SLC35F3: variants seen among roughly 807,000 people sequenced by gnomAD.
The protein encoded by SLC35F3 is solute carrier family 35 member F3.
Under a neutral mutation model 49.9 loss-of-function variants are expected in SLC35F3, and 25 were observed. That is an observed-to-expected ratio of 0.50 (90% CI 0.37 to 0.70). The LOEUF (loss-of-function observed/expected upper bound fraction) is 0.70. Ranked by LOEUF, SLC35F3 falls within the 30% of genes least tolerant of loss-of-function variation. The pLI, the probability that SLC35F3 is intolerant of heterozygous loss-of-function variation, is 0.00. For synonymous variants in SLC35F3, 275 were observed against 265.4 expected (o/e 1.04, Z -0.35); for missense variants, 525 against 639.8 (o/e 0.82, Z 1.94).
chr1:234,270,124 C>T (rs1316148493), intron 3 of SLC35F3, among the ~76,000 whole-genome samples: 1 of 152,204 alleles, frequency 6.6e-6, no homozygotes, highest in Non-Finnish European at 1.5e-5. Flanking sequence ...AACTGAGTTA[C>T]AAGGATTAAA....
rs1388622748 is a variant in SLC35F3, at chr1:234,031,507, T to G, written c.283+125749T>G. On this transcript the variant is annotated intron_variant, in intron 2 of 7. Transcript: ENST00000366618. ...CTCCAGCATTAACATTCCTGCTCTA[T>G]CCAAGATAATCCATTTGCCATGTTC... is the stretch of plus-strand genomic sequence containing the variant. Among the ~76,000 whole-genome samples the G allele has an allele frequency of 5.3e-5, 8 of 152,302 alleles. No individual in the cohort carries two copies. The East Asian group carries it at 1.5e-3, about 29-fold the overall frequency.
chr1:233,954,204 C>T (rs573712732), intron 2 of SLC35F3, among the ~76,000 whole-genome samples: 55 of 152,276 alleles, frequency 3.6e-4, no homozygotes, highest in African/African-American at 1.3e-3. Context: ...GATGATATTT[C>T]GCCGTGTTAG....
At chr1:234,100,777 A>T (rs1340332849) in intron 2 of SLC35F3, among the ~76,000 whole-genome samples, 2 of 152,186 alleles carry the variant, frequency 1.3e-5, no homozygotes, top group East Asian at 3.9e-4. Flanking sequence ...GGAGCAAAAA[A>T]ATGGGTGCCT....
chr1:233,932,522 T>A (rs150222297), intron 2 of SLC35F3, among the ~76,000 whole-genome samples: 2 of 152,294 alleles, frequency 1.3e-5, no homozygotes, highest in East Asian at 3.9e-4. Flanking sequence ...GAAGCCTTCT[T>A]TCTGGGGTGG....
At chr1:234,007,031 G>A (rs918274508) in intron 2 of SLC35F3, among the ~76,000 whole-genome samples, 5 of 152,040 alleles carry the variant, frequency 3.3e-5, no homozygotes, top group East Asian at 1.9e-4. Flanking sequence ...CTGTTGATCC[G>A]AAACAGCCAT....
chr1:234,059,326 T>C (rs529706306), intron 2 of SLC35F3, among the ~76,000 whole-genome samples: 62 of 152,264 alleles, frequency 4.1e-4, no homozygotes, highest in African/African-American at 1.4e-3. Context: ...CTCCAAGCAC[T>C]GTTTTAGCTG....
intron 5 of SLC35F3, among the ~76,000 whole-genome samples, chr1:234,318,394 G>A (rs770360855): frequency 1.3e-5 from 2 of 152,324 alleles, no homozygotes; most frequent in South Asian, 2.1e-4. Context: ...TGTTCAACCT[G>A]CTTATACAGG....
At chr1:234,206,450 C>T (rs902758223) in intron 2 of SLC35F3, among the ~76,000 whole-genome samples, 5 of 137,588 alleles carry the variant, frequency 3.6e-5, no homozygotes, top group African/African-American at 1.4e-4. Context: ...GCAGGACTTT[C>T]CTGGTTCCTG....
chr1:234,314,002 G>A (rs1198588230), intron 4 of SLC35F3, among the ~76,000 whole-genome samples: 1 of 152,224 alleles, frequency 6.6e-6, no homozygotes, highest in Non-Finnish European at 1.5e-5. Flanking sequence ...GAGTAAGGTA[G>A]GAACCCTAGT....
chr1:234,232,932 A>G (rs1221923160), intron 3 of SLC35F3, among the ~76,000 whole-genome samples: 1 of 152,182 alleles, frequency 6.6e-6, no homozygotes, highest in Non-Finnish European at 1.5e-5. Flanking sequence ...TTAAAATACC[A>G]ACTTGTAAAT....
rs1667365914 is a variant in SLC35F3 at position 234,231,304 on chromosome 1, A to G, written c.284-113A>G. 4.5e-6 allele frequency: 4 copies of G among 895,564 alleles called. No homozygotes were observed. Among genetic ancestry groups the G allele is most frequent in the Admixed American group, 3.1e-5 (1 of 32,656 alleles). The allele number at this position is 895,564 out of a possible 1,614,324, so 55.5% of individuals were successfully genotyped here. ...CCTGGAAGCCGCCCCTGCACCCGCT[A>G]TCTCCCCGGGCCCCCAGGTAGCTGG... On this transcript the variant is annotated intron_variant, in intron 2 of 7. Coordinates refer to ENST00000366618, the MANE Select transcript of SLC35F3 (RefSeq NM_173508.4). This position sits in a 1 kb window ranked among gnomAD's most constrained non-coding sequence, Gnocchi z 5.4.
chr1:233,999,289 G>A (rs1353183261), intron 2 of SLC35F3, among the ~76,000 whole-genome samples: 7 of 152,120 alleles, frequency 4.6e-5, no homozygotes, highest in East Asian at 1.9e-4. Flanking sequence ...ATCATTCACG[G>A]CAGAGCTTCT....
chr1:234,125,807 C>A (rs1665637564), intron 2 of SLC35F3, among the ~76,000 whole-genome samples: 1 of 152,196 alleles, frequency 6.6e-6, no homozygotes, highest in African/African-American at 2.4e-5. Context: ...TTCTCAGCTC[C>A]GGCATATACC....
chr1:234,245,534 C>T (rs552309978), intron 3 of SLC35F3, among the ~76,000 whole-genome samples: 5 of 152,340 alleles, frequency 3.3e-5, no homozygotes, highest in African/African-American at 1.2e-4. Context: ...ACATCTGTTT[C>T]AGTTACTATT....
At chr1:234,295,898 T>C (rs955527080) in intron 3 of SLC35F3, among the ~76,000 whole-genome samples, 2 of 152,202 alleles carry the variant, frequency 1.3e-5, no homozygotes, top group Admixed American at 6.5e-5. Flanking sequence ...CCAACTTCTT[T>C]TAAAGGAGCC....
chr1:234,280,912 G>A (rs537334741), intron 3 of SLC35F3, among the ~76,000 whole-genome samples: 2 of 152,288 alleles, frequency 1.3e-5, no homozygotes, highest in East Asian at 1.9e-4. Flanking sequence ...ATCCCAACCA[G>A]AATGCTGAAG....
rs530079657 is a variant in SLC35F3 at position 233,949,711 on chromosome 1, G to T, written c.283+43953G>T. Among the ~76,000 whole-genome samples, 18 of 152,256 alleles carry T rather than the reference G, an allele frequency of 1.2e-4. No homozygotes were observed. The South Asian group carries it at 3.5e-3, about 30-fold the overall frequency. ...ATCGCTGGGCAGGTTAATTAGTGTC[G>T]CTAGCAGCCCGAGTGAGGCTCTGAC... On this transcript the variant is annotated intron_variant, in intron 2 of 7. Transcript: ENST00000366618.
At chr1:234,053,287 A>G (rs905637697) in intron 2 of SLC35F3, among the ~76,000 whole-genome samples, 2 of 151,902 alleles carry the variant, frequency 1.3e-5, no homozygotes, top group Non-Finnish European at 2.9e-5. Context: ...CTCTTTGTAG[A>G]TCTCTAAGGA....
chr1:234,075,679 A>C (rs1001176089), intron 2 of SLC35F3, among the ~76,000 whole-genome samples: 3 of 152,240 alleles, frequency 2.0e-5, no homozygotes, highest in African/African-American at 7.2e-5. Context: ...TGAAATCTGG[A>C]GAACGTTAAG....
Sources: allele counts gnomAD v4.1 joint callset (sites outside exome capture counted in the v4.1 genomes callset), GRCh38; gene constraint gnomAD v4.1.1; non-coding constraint Gnocchi (gnomAD v3.1); transcripts MANE v1.5; gene names NCBI Gene and HGNC (gene_info 2026-07-23, HGNC 2026-07-21).